Variants in NKAIN3 observed in about 807,000 individuals in gnomAD.
The protein encoded by NKAIN3 is sodium/potassium transporting ATPase interacting 3, also known as sodium/potassium-transporting ATPase subunit beta-1-interacting protein 3.
A neutral mutation model predicts 30.2 loss-of-function variants in NKAIN3; 25 were observed. That is an observed-to-expected ratio of 0.83 (90% CI 0.60 to 1.16). The LOEUF (loss-of-function observed/expected upper bound fraction) is 1.16. NKAIN3 is among the 50% of genes most tolerant of loss of function. The pLI is 0.00. For missense variants in NKAIN3, 225 were observed against 254.1 expected (o/e 0.89, Z 0.78); for synonymous variants, 91 against 89.6 (o/e 1.02, Z -0.09).
intron 1 of NKAIN3, among the ~76,000 whole-genome samples, chr8:62,408,014 G>T (rs1191471152): frequency 6.6e-6 from 1 of 152,192 alleles, no homozygotes; most frequent in Non-Finnish European, 1.5e-5. Flanking sequence ...CTGGGTAACA[G>T]TGAGACCTTG....
chr8:62,855,376 G>A, intron 4 of NKAIN3: 1 of 755,792 alleles, frequency 1.3e-6, no homozygotes, highest in Non-Finnish European at 2.4e-6. Flanking sequence ...CTTTCAGCAT[G>A]GGCACAGTGA....
At chr8:62,359,705 C>G (rs958457398) in intron 1 of NKAIN3, among the ~76,000 whole-genome samples, 1 of 152,306 alleles carries the variant, frequency 6.6e-6, no homozygotes, top group East Asian at 1.9e-4. Flanking sequence ...CAGCAAGCAC[C>G]TTTTATGCTT....
rs930962603 is a variant in NKAIN3 at position 62,589,771 on chromosome 8, T to A, written c.250T>A (p.Leu84Met). Residue 84 changes from leucine (L) to methionine (M), a missense_variant, in exon 3 of 7, where the codon TTG (leucine) becomes ATG (methionine). By Grantham distance (15) the Leu-to-Met change is conservative (BLOSUM62 2). Coordinates refer to ENST00000623646, the MANE Select transcript of NKAIN3 (RefSeq NM_001304533.3). Reference protein sequence around the residue: ...TWNVFIICFYLEVGGLSKDTD... With the variant: ...TWNVFIICFYMEVGGLSKDTD... ...GAATGTGTTCATTATCTGCTTTTAT[T>A]TGGAAGTAGGTGGACTCTCAAAGGT... 10 of 1,603,918 alleles carry A rather than the reference T, an allele frequency of 6.2e-6. No homozygotes were observed. The highest frequency in any genetic ancestry group is 1.7e-5 in the Admixed American group (1 of 59,446).
At chr8:62,332,535 A>G (rs1036174961) in intron 1 of NKAIN3, among the ~76,000 whole-genome samples, 1 of 152,054 alleles carries the variant, frequency 6.6e-6, no homozygotes, top group African/African-American at 2.4e-5. Context: ...ATTTTTCACT[A>G]TAGTGGTTGA....
intron 4 of NKAIN3, among the ~76,000 whole-genome samples, chr8:62,777,243 G>C (rs1268570499): frequency 1.3e-5 from 2 of 152,026 alleles, no homozygotes; most frequent in Non-Finnish European, 2.9e-5. Flanking sequence ...CTTTCTCTAG[G>C]TTTGGACGTT....
At chr8:62,803,678 G>T (rs1201955520) in intron 4 of NKAIN3, among the ~76,000 whole-genome samples, 1 of 152,032 alleles carries the variant, frequency 6.6e-6, no homozygotes, top group Non-Finnish European at 1.5e-5. Flanking sequence ...ATCCAAAATT[G>T]ACACCCTAAC....
chr8:62,887,716 T>C (rs1242886604), intron 4 of NKAIN3, among the ~76,000 whole-genome samples: 1 of 152,230 alleles, frequency 6.6e-6, no homozygotes, highest in Non-Finnish European at 1.5e-5. Flanking sequence ...TTTTTATCTC[T>C]AGCATTTCCT....
rs1262592323 is a variant in NKAIN3 at position 62,901,083 on chromosome 8, C to A, written c.472-17370C>A. Among the ~76,000 whole-genome samples the A allele has an allele frequency of 2.0e-5, 3 of 152,118 alleles. No individual in the cohort carries two copies. The South Asian group carries it at 6.2e-4, about 32-fold the overall frequency. On this transcript the variant is annotated intron_variant, in intron 4 of 6. Coordinates refer to ENST00000623646, the MANE Select transcript of NKAIN3 (RefSeq NM_001304533.3). ...GGTCAGGAGAGAAAAGACACAAAAT[C>A]TCAGATCCAAGGAGGATGTAGGAGC...
chr8:62,910,143 A>T (rs555311062), intron 4 of NKAIN3, among the ~76,000 whole-genome samples: 3 of 152,318 alleles, frequency 2.0e-5, no homozygotes, highest in African/African-American at 7.2e-5. Context: ...GAAAAGGAAA[A>T]ATAAATAAAT....
At chr8:62,524,311 T>G (rs1808238270) in intron 1 of NKAIN3, among the ~76,000 whole-genome samples, 1 of 152,106 alleles carries the variant, frequency 6.6e-6, no homozygotes, top group African/African-American at 2.4e-5. Context: ...ACAAACAGGC[T>G]ATATCTCTGA....
At chr8:62,792,807 C>G (rs1231054319) in intron 4 of NKAIN3, among the ~76,000 whole-genome samples, 1 of 152,006 alleles carries the variant, frequency 6.6e-6, no homozygotes, top group East Asian at 1.9e-4. Flanking sequence ...GGGAACAGCA[C>G]AGACAATTTT....
chr8:62,577,668 C>T (rs987314790), intron 1 of NKAIN3, among the ~76,000 whole-genome samples: 6 of 150,230 alleles, frequency 4.0e-5, no homozygotes, highest in Non-Finnish European at 8.9e-5. Flanking sequence ...AGAAAGGTTC[C>T]TGGGGACTAA....
intron 3 of NKAIN3, among the ~76,000 whole-genome samples, chr8:62,654,803 G>A (rs1243817004): frequency 1.3e-5 from 2 of 151,958 alleles, no homozygotes; most frequent in Non-Finnish European, 2.9e-5. Context: ...ACAAGGGAAT[G>A]AATTAAAAAC....
intron 1 of NKAIN3, among the ~76,000 whole-genome samples, chr8:62,355,225 C>T (rs950148578): frequency 6.6e-6 from 1 of 152,156 alleles, no homozygotes; most frequent in Non-Finnish European, 1.5e-5. Context: ...CCCATAAATA[C>T]CTGAAGCCAC....
At chr8:62,879,250 C>A (rs1820897373) in intron 4 of NKAIN3, among the ~76,000 whole-genome samples, 1 of 152,052 alleles carries the variant, frequency 6.6e-6, no homozygotes, top group African/African-American at 2.4e-5. Context: ...ATTTGCATTT[C>A]TTTGATGGCC....
At chr8:62,534,636 A>G (rs1808596852) in intron 1 of NKAIN3, among the ~76,000 whole-genome samples, 1 of 152,144 alleles carries the variant, frequency 6.6e-6, no homozygotes, top group South Asian at 2.1e-4. Flanking sequence ...AAATCAGAGT[A>G]CTGGGCCCCA....
At chr8:62,460,324 A>G (rs557453418) in intron 1 of NKAIN3, among the ~76,000 whole-genome samples, 1 of 151,946 alleles carries the variant, frequency 6.6e-6, no homozygotes, top group Non-Finnish European at 1.5e-5. Context: ...AGGCAGGAGA[A>G]TCACTTGAAC....
At chr8:62,675,483 G>A (rs1813445366) in intron 3 of NKAIN3, among the ~76,000 whole-genome samples, 1 of 152,180 alleles carries the variant, frequency 6.6e-6, no homozygotes, top group South Asian at 2.1e-4. Flanking sequence ...ATGGTGGCCT[G>A]ATTTATGCAG....
intron 1 of NKAIN3, among the ~76,000 whole-genome samples, chr8:62,455,764 C>T (rs933635791): frequency 1.3e-5 from 2 of 152,188 alleles, no homozygotes; most frequent in African/African-American, 4.8e-5. Flanking sequence ...CTAGCACACA[C>T]ACAAAAATAA....
Sources: gnomAD v4.1 joint callset for allele counts (sites outside exome capture counted in the v4.1 genomes callset) on GRCh38, gnomAD v4.1.1 for gene constraint, MANE v1.5 for transcripts, NCBI Gene and HGNC (gene_info 2026-07-23, HGNC 2026-07-21) for gene names.